The following NEAT1 variants were observed in gnomAD, a reference collection of about 807,000 sequenced individuals.
The protein encoded by NEAT1 is MENepsilon/beta.
At chr11:65,436,246 G>A (rs1277542441) in exon 1 of NEAT1, 1 of 152,224 alleles carries the variant, frequency 6.6e-6, no homozygotes, top group East Asian at 1.9e-4. Flanking sequence ...GGAAATACCT[G>A]AGTTCCTCTG....
chr11:65,443,490 G>A (rs375704108), exon 1 of NEAT1: 3 of 152,170 alleles, frequency 2.0e-5, no homozygotes, highest in African/African-American at 4.8e-5. Flanking sequence ...TTACACTGTT[G>A]TGATTGGTAG....
exon 1 of NEAT1, chr11:65,426,498 G>A (rs780692353): frequency 6.6e-5 from 10 of 152,162 alleles, no homozygotes; most frequent in Non-Finnish European, 1.0e-4. Flanking sequence ...CCCCTTTACA[G>A]CACAAATAAA....
exon 1 of NEAT1, chr11:65,425,830 C>T (rs532386788): frequency 8.5e-5 from 13 of 152,094 alleles, no homozygotes; most frequent in South Asian, 4.2e-4. Context: ...AAATTGTAGT[C>T]TTTGTAACAA....
exon 1 of NEAT1, chr11:65,444,353 C>G: frequency 4.7e-6 from 2 of 428,922 alleles, no homozygotes; most frequent in South Asian, 1.6e-5. Context: ...AAATGGGGGG[C>G]TGATTCTGCT....
At chr11:65,435,510 C>T (rs1856650167) in exon 1 of NEAT1, 1 of 152,110 alleles carries the variant, frequency 6.6e-6, no homozygotes, top group Non-Finnish European at 1.5e-5. Context: ...AGGTTATTTG[C>T]AGTTTCCTAG....
At chr11:65,435,991 ATCCT>A in exon 1 of NEAT1, 1 of 152,238 alleles carries the variant, frequency 6.6e-6, no homozygotes, top group Non-Finnish European at 1.5e-5. Context: ...CTTAAGTGGC[ATCCT>A]GGTCTGGGAA....
chr11:65,431,850 C>G (rs893430039), exon 1 of NEAT1: 1 of 152,158 alleles, frequency 6.6e-6, no homozygotes, highest in Non-Finnish European at 1.5e-5. Flanking sequence ...CAAATATCTT[C>G]TCTTATTCCA....
chr11:65,437,213 A>ACG (rs1856667594), exon 1 of NEAT1: 1 of 130,952 alleles, frequency 7.6e-6, no homozygotes, highest in African/African-American at 3.1e-5. Context: ...ATATATATGT[A>ACG]TATATATATA....
exon 1 of NEAT1, chr11:65,441,416 C>T (rs1272955331): frequency 6.6e-6 from 1 of 152,224 alleles, no homozygotes; most frequent in Non-Finnish European, 1.5e-5. Flanking sequence ...CTCCCCCGCT[C>T]AACCTCCCAA....
chr11:65,443,824 A>G (rs577680551), exon 1 of NEAT1: 1 of 152,746 alleles, frequency 6.5e-6, no homozygotes, highest in South Asian at 2.0e-4. Context: ...ACTTCTGCTC[A>G]TTGGCTGAGT....
At chr11:65,433,070 G>A (rs1355021884) in exon 1 of NEAT1, 3 of 150,434 alleles carry the variant, frequency 2.0e-5, no homozygotes, top group Non-Finnish European at 4.4e-5. Context: ...CATATTCCAT[G>A]GTGTAGAGAT....
exon 1 of NEAT1, chr11:65,438,648 A>G (rs1388366300): frequency 6.6e-6 from 1 of 152,072 alleles, no homozygotes; most frequent in East Asian, 1.9e-4. Flanking sequence ...ATCATACAGT[A>G]TTTGTCTTTT....
chr11:65,436,485 C>T (rs1221814712), exon 1 of NEAT1: 1 of 152,232 alleles, frequency 6.6e-6, no homozygotes, highest in Admixed American at 6.5e-5. Context: ...ACTTCAAACC[C>T]TGTGGGTGAT....
chr11:65,434,511 C>A (rs1565633042), exon 1 of NEAT1: 2 of 152,076 alleles, frequency 1.3e-5, no homozygotes, highest in African/African-American at 4.8e-5. Flanking sequence ...CAGAGAACTG[C>A]CCTCATTGTT....
exon 1 of NEAT1, chr11:65,430,173 C>T (rs2134895153): frequency 6.6e-6 from 1 of 152,438 alleles, no homozygotes; most frequent in Admixed American, 6.5e-5. Flanking sequence ...TTGGCAGCAG[C>T]TACTCCTTGT....
chr11:65,432,308 C>T (rs1590672909), exon 1 of NEAT1: 2 of 152,304 alleles, frequency 1.3e-5, no homozygotes, highest in East Asian at 1.9e-4. Flanking sequence ...TGATCATGAA[C>T]TCTTAGTATC....
exon 1 of NEAT1, chr11:65,444,930 A>C: frequency 5.1e-6 from 1 of 197,552 alleles, no homozygotes; most frequent in South Asian, 7.4e-5. Context: ...GACCCAGAGA[A>C]CCATTTCCAC....
At chr11:65,434,558 T>C (rs1856641079) in exon 1 of NEAT1, 1 of 152,224 alleles carries the variant, frequency 6.6e-6, no homozygotes, top group South Asian at 2.1e-4. Context: ...AGTTTAGCCA[T>C]TCTGCTGTTA....
At chr11:65,427,690 C>G (rs1856575351) in exon 1 of NEAT1, 1 of 152,214 alleles carries the variant, frequency 6.6e-6, no homozygotes, top group African/African-American at 2.4e-5. Context: ...CAGAAACAAT[C>G]CAGGCCTCCT....
Sources: allele counts gnomAD v4.1 joint callset, GRCh38; gene constraint gnomAD v4.1.1; transcripts MANE v1.5; gene names NCBI Gene and HGNC (gene_info 2026-07-23, HGNC 2026-07-21).